The following SIPA1L1 variants were observed in gnomAD, a reference collection of about 807,000 sequenced individuals.
The protein encoded by SIPA1L1 is signal induced proliferation associated 1 like 1.
SIPA1L1 carries 26 observed loss-of-function variants against 162.7 expected under a neutral mutation model. The observed-to-expected ratio is 0.16, with a 90% CI of 0.12 to 0.22. The LOEUF is 0.22. SIPA1L1 is among the 10% of genes least tolerant of loss of function. The pLI, the probability that SIPA1L1 is intolerant of heterozygous loss-of-function variation, is 1.00. For synonymous variants in SIPA1L1, 829 were observed against 837.4 expected (o/e 0.99, Z 0.17); for missense variants, 1,874 against 2,241.0 (o/e 0.84, Z 3.31).
At chr14:71,694,196 G>A (rs528614965) in intron 13 of SIPA1L1, among the ~76,000 whole-genome samples, 9 of 152,078 alleles carry the variant, frequency 5.9e-5, no homozygotes, top group Non-Finnish European at 1.3e-4. Flanking sequence ...TAGGTGTGGT[G>A]GAGGACAGGG....
chr14:71,444,363 T>C (rs766882887), intron 2 of SIPA1L1, among the ~76,000 whole-genome samples: 112 of 152,184 alleles, frequency 7.4e-4, no homozygotes, highest in Non-Finnish European at 1.4e-3. Flanking sequence ...TAGCATTCAC[T>C]CTCAAAAAAT....
chr14:71,684,688 G>T (rs1160826074), intron 12 of SIPA1L1, among the ~76,000 whole-genome samples: 3 of 151,974 alleles, frequency 2.0e-5, no homozygotes, highest in Non-Finnish European at 4.4e-5. Context: ...GCCCAGTCAC[G>T]ATGTGCAGTG....
intron 2 of SIPA1L1, among the ~76,000 whole-genome samples, chr14:71,411,766 C>T (rs1275008972): frequency 2.0e-5 from 3 of 152,224 alleles, no homozygotes; most frequent in African/African-American, 7.2e-5. Context: ...CCCTGGCCCG[C>T]TTGCTGCTTC....
At chr14:71,490,460 CTG>C (rs2049151004) in intron 2 of SIPA1L1, among the ~76,000 whole-genome samples, 1 of 151,924 alleles carries the variant, frequency 6.6e-6, no homozygotes, top group South Asian at 2.1e-4. Context: ...TTGTGACTAA[CTG>C]TGTCTAAATT....
At chr14:71,358,311 A>G (rs2037466812) in intron 2 of SIPA1L1, among the ~76,000 whole-genome samples, 1 of 152,246 alleles carries the variant, frequency 6.6e-6, no homozygotes, top group African/African-American at 2.4e-5. Flanking sequence ...TGTAAGTTTC[A>G]CTTGGTAAAA....
intron 11 of SIPA1L1, 78 bp from the exon 12 acceptor site, chr14:71,672,270 C>A: frequency 6.9e-7 from 1 of 1,448,076 alleles, no homozygotes; most frequent in Non-Finnish European, 9.6e-7. Flanking sequence ...ACCCTGCTTG[C>A]AATGATTTTC....
At chr14:71,469,532 G>C (rs192579761) in intron 2 of SIPA1L1, among the ~76,000 whole-genome samples, 25 of 152,326 alleles carry the variant, frequency 1.6e-4, no homozygotes, top group African/African-American at 6.0e-4. Flanking sequence ...TGGAATGAAT[G>C]AGTGAGTGAA....
intron 8 of SIPA1L1, among the ~76,000 whole-genome samples, chr14:71,654,354 A>G (rs2042883505): frequency 1.3e-5 from 2 of 152,220 alleles, no homozygotes. Context: ...AATAAATACA[A>G]TAAACTTCCC....
chr14:71,638,442 G>A (rs760376835), intron 7 of SIPA1L1, among the ~76,000 whole-genome samples: 7 of 152,182 alleles, frequency 4.6e-5, no homozygotes, highest in Non-Finnish European at 8.8e-5. Flanking sequence ...GAAAAATCAC[G>A]TGGTAATATC....
At chr14:71,522,913 TC>T (rs1338538760) in intron 3 of SIPA1L1, among the ~76,000 whole-genome samples, 4 of 152,114 alleles carry the variant, frequency 2.6e-5, no homozygotes, top group Non-Finnish European at 5.9e-5. Context: ...GGCTAGGTGA[TC>T]CACCCGCCTT....
At chr14:71,597,585 TC>T (rs1177551241) in intron 5 of SIPA1L1, among the ~76,000 whole-genome samples, 1 of 152,142 alleles carries the variant, frequency 6.6e-6, no homozygotes, top group Non-Finnish European at 1.5e-5. Flanking sequence ...TAGGAAGGTG[TC>T]CCTGTGGAGT....
intron 3 of SIPA1L1, among the ~76,000 whole-genome samples, chr14:71,515,278 C>G (rs1320855723): frequency 1.3e-5 from 2 of 152,180 alleles, no homozygotes; most frequent in Admixed American, 1.3e-4. Context: ...AAAATTACGG[C>G]TTAATAAATT....
chr14:71,364,890 C>G (rs1322845980), intron 2 of SIPA1L1, among the ~76,000 whole-genome samples: 1 of 151,728 alleles, frequency 6.6e-6, no homozygotes, highest in African/African-American at 2.4e-5. Context: ...GGACTACAGG[C>G]GCATGCCACC....
At chr14:71,533,901 A>G (rs1299321284) in intron 4 of SIPA1L1, among the ~76,000 whole-genome samples, 1 of 151,248 alleles carries the variant, frequency 6.6e-6, no homozygotes, top group Non-Finnish European at 1.5e-5. Context: ...ATAAATTACA[A>G]AAACCTTCAT....
chr14:71,347,779 C>A (rs2036313207), intron 2 of SIPA1L1, among the ~76,000 whole-genome samples: 1 of 152,092 alleles, frequency 6.6e-6, no homozygotes, highest in Non-Finnish European at 1.5e-5. Flanking sequence ...TGTTTGCTGG[C>A]CATTTGTAGA....
At chr14:71,329,092 A>G (rs539491403) in intron 2 of SIPA1L1, among the ~76,000 whole-genome samples, 22 of 152,312 alleles carry the variant, frequency 1.4e-4, no homozygotes, top group African/African-American at 5.3e-4. Flanking sequence ...TGTTTGTAGC[A>G]TGTGACAGGA....
At chr14:71,437,909 A>C (rs1343739081) in intron 2 of SIPA1L1, among the ~76,000 whole-genome samples, 1 of 152,216 alleles carries the variant, frequency 6.6e-6, no homozygotes, top group Admixed American at 6.5e-5. Context: ...ATTGAAATTT[A>C]AAATATACAC....
At chr14:71,343,430 A>G (rs565929163) in intron 2 of SIPA1L1, among the ~76,000 whole-genome samples, 1 of 152,210 alleles carries the variant, frequency 6.6e-6, no homozygotes. Context: ...GGAAGAATAG[A>G]GAAAAATATC....
chr14:71,422,045 T>C (rs1237471902), intron 2 of SIPA1L1, among the ~76,000 whole-genome samples: 1 of 152,182 alleles, frequency 6.6e-6, no homozygotes, highest in East Asian at 1.9e-4. Context: ...GAGTATGACG[T>C]TTTTACTTAG....
Sources: gnomAD v4.1 joint callset for allele counts (sites outside exome capture counted in the v4.1 genomes callset) on GRCh38, gnomAD v4.1.1 for gene constraint, MANE v1.5 for transcripts, NCBI Gene and HGNC (gene_info 2026-07-23, HGNC 2026-07-21) for gene names.